SV2C: variants seen among roughly 807,000 people sequenced by gnomAD.
The protein encoded by SV2C is solute carrier family 22 member B3.
In SV2C, 49 loss-of-function variants were observed where a neutral mutation model predicts 79.7. That is an observed-to-expected ratio of 0.61 (90% CI 0.49 to 0.78). The LOEUF is 0.78. SV2C is among the 30% of genes least tolerant of loss of function. The pLI is 0.00. For synonymous variants in SV2C, 334 were observed against 333.2 expected (o/e 1.00, Z -0.03); for missense variants, 833 against 912.9 (o/e 0.91, Z 1.13).
In SV2C at chr5:76,223,444, C is replaced by CAT. The variant is rs70979384; in HGVS notation, c.913+13608_913+13609dup. ...CCCTGTCTCTTTATATACATACATA[C>CAT]ATATATATATATATATATATATATA... On this transcript the variant is annotated intron_variant, in intron 4 of 12. Coordinates refer to ENST00000502798, the MANE Select transcript of SV2C (RefSeq NM_014979.4). Among the ~76,000 whole-genome samples, 287 of 45,644 alleles carry CAT rather than the reference C, an allele frequency of 6.3e-3. 7 individuals carry two copies. Among genetic ancestry groups the CAT allele is most frequent in the South Asian group, 0.016 (14 of 900 alleles). The allele number at this position is 45,644 out of a possible 152,430, so 29.9% of individuals were successfully genotyped here. A position where few individuals can be genotyped will look rare whatever the true frequency, so the allele number is the denominator to read the frequency against.
chr5:76,334,033 G>A (rs1161163728), downstream of SV2C: 1 of 152,006 alleles, frequency 6.6e-6, no homozygotes, highest in Non-Finnish European at 1.5e-5. Flanking sequence ...ATGTCCTTAG[G>A]TATAGAGAAA....
intron 3 of SV2C, among the ~76,000 whole-genome samples, chr5:76,202,600 A>G (rs1289187368): frequency 6.6e-6 from 1 of 152,258 alleles, no homozygotes; most frequent in East Asian, 1.9e-4. Context: ...GCCCCAGAGC[A>G]TCAGAAGGGA....
At chr5:76,050,923 T>C in the SV2C span, among the ~76,000 whole-genome samples, 1 of 152,182 alleles carries the variant, frequency 6.6e-6, no homozygotes, top group Non-Finnish European at 1.5e-5. Context: ...CTCCTTGTTT[T>C]TGACTGGAAT....
the SV2C span, among the ~76,000 whole-genome samples, chr5:76,050,717 T>C: frequency 6.6e-6 from 1 of 152,210 alleles, no homozygotes; most frequent in Admixed American, 6.5e-5. Context: ...TCTACTTGTG[T>C]TCATTACATT....
the SV2C span, among the ~76,000 whole-genome samples, chr5:75,942,186 G>A: frequency 6.6e-6 from 1 of 152,168 alleles, no homozygotes; most frequent in Non-Finnish European, 1.5e-5. Context: ...CCTATGTCTG[G>A]GATCCTTCTA....
intron 3 of SV2C, among the ~76,000 whole-genome samples, chr5:76,195,993 G>A (rs1744261225): frequency 6.6e-6 from 1 of 151,818 alleles, no homozygotes; most frequent in Non-Finnish European, 1.5e-5. Context: ...AACACAAAAT[G>A]AATCTGTAGG....
intron 2 of SV2C, among the ~76,000 whole-genome samples, chr5:76,153,989 C>G (rs1559203): frequency 0.82 from 124,640 of 152,166 alleles, 52,171 homozygotes; most frequent in Non-Finnish European, 0.92. Flanking sequence ...CAGACAAGAA[C>G]CAGGGTAAGG....
chr5:76,160,163 C>A (rs1742858147), intron 2 of SV2C, among the ~76,000 whole-genome samples: 1 of 152,062 alleles, frequency 6.6e-6, no homozygotes, highest in Non-Finnish European at 1.5e-5. Flanking sequence ...CAATCACTAT[C>A]AAAATCCCAG....
chr5:76,092,431 C>T (rs576359867), intron 1 of SV2C, among the ~76,000 whole-genome samples: 3 of 152,038 alleles, frequency 2.0e-5, no homozygotes, highest in East Asian at 1.9e-4. Flanking sequence ...GTTGTGAGAA[C>T]GTAAATTGCT....
rs542058066 is a variant in SV2C, at chr5:76,325,933, T to C, written c.*386T>C. The C allele has an allele frequency of 6.1e-6, 1 of 164,966 alleles. No homozygotes were observed. Among genetic ancestry groups the C allele is most frequent in the Non-Finnish European group, 1.3e-5 (1 of 76,958 alleles). The allele number at this position is 164,966 out of a possible 1,614,324, so 10.2% of individuals were successfully genotyped here. ...CTCCTAATTTAACATTAACAGGAAA[T>C]ATAAGTCGGCACATTATTGCATTTG... On this transcript the variant is annotated 3_prime_UTR_variant, in exon 13 of 13. Transcript: ENST00000502798.
the SV2C span, among the ~76,000 whole-genome samples, chr5:76,049,339 G>GA: frequency 0.028 from 3,751 of 135,486 alleles, 172 homozygotes; most frequent in African/African-American, 0.099. Context: ...AAAAAAAAAA[G>GA]AAAAAAAAAA....
intron 1 of SV2C, among the ~76,000 whole-genome samples, chr5:76,088,485 G>A (rs979481569): frequency 6.6e-6 from 1 of 152,158 alleles, no homozygotes; most frequent in Non-Finnish European, 1.5e-5. Context: ...ATTCCTCATA[G>A]ATGTCCTCAC....
At chr5:76,250,729 A>G (rs558713918) in intron 4 of SV2C, among the ~76,000 whole-genome samples, 1 of 152,354 alleles carries the variant, frequency 6.6e-6, no homozygotes, top group African/African-American at 2.4e-5. Context: ...TACACTGGCT[A>G]TGCTGGCTCA....
the SV2C span, among the ~76,000 whole-genome samples, chr5:75,880,403 G>T: frequency 2.6e-5 from 4 of 152,096 alleles, no homozygotes; most frequent in African/African-American, 7.2e-5. Context: ...TCTAAGCATA[G>T]GTTGTTAGAA....
At chr5:76,043,860 TC>T in the SV2C span, among the ~76,000 whole-genome samples, 2 of 152,204 alleles carry the variant, frequency 1.3e-5, no homozygotes, top group Non-Finnish European at 2.9e-5. Flanking sequence ...CAGTGCTCCC[TC>T]CTGACTTTTA....
At chr5:76,293,442 G>A (rs1747627390) in intron 8 of SV2C, among the ~76,000 whole-genome samples, 2 of 152,086 alleles carry the variant, frequency 1.3e-5, no homozygotes, top group African/African-American at 4.8e-5. Flanking sequence ...CCTCAATAGT[G>A]CCTAGTATTT....
intron 4 of SV2C, among the ~76,000 whole-genome samples, chr5:76,243,012 T>TAAAAAAAAAAAAAAAAAA (rs559052290): frequency 2.8e-4 from 14 of 49,922 alleles, no homozygotes; most frequent in African/African-American, 8.3e-4. Context: ...AGACCCCATC[T>TAAAAAAAAAAAAAAAAAA]AAAAAAAAAA....
intron 1 of SV2C, among the ~76,000 whole-genome samples, chr5:76,102,843 G>T (rs1747789697): frequency 6.6e-6 from 1 of 152,130 alleles, no homozygotes; most frequent in Non-Finnish European, 1.5e-5. Context: ...GACTTTAGTA[G>T]TCTCTTTCAT....
chr5:75,856,754 G>A, the SV2C span, among the ~76,000 whole-genome samples: 6 of 152,074 alleles, frequency 3.9e-5, no homozygotes, highest in Admixed American at 6.5e-5. Context: ...TTGTCTCTTC[G>A]TTTTGTTGAT....
Sources: gnomAD v4.1 joint callset for allele counts (sites outside exome capture counted in the v4.1 genomes callset) on GRCh38, gnomAD v4.1.1 for gene constraint, MANE v1.5 for transcripts, NCBI Gene and HGNC (gene_info 2026-07-23, HGNC 2026-07-21) for gene names.